Variants in ANK3 observed in about 807,000 individuals in gnomAD.
The protein encoded by ANK3 is ankyrin-3.
In ANK3, 57 loss-of-function variants were observed where a neutral mutation model predicts 370.9. The ratio of observed to expected loss-of-function variants is 0.15; its 90% confidence interval spans 0.12 to 0.19. The LOEUF is 0.19. Among genes scored for constraint, ANK3 ranks in the 10% least tolerant of loss-of-function variants. The pLI is 1.00. For synonymous variants in ANK3, 1,929 were observed against 1,946.3 expected, an observed-to-expected ratio of 0.99 and a Z score of 0.23; for missense variants, 4,439 against 5,302.1, an observed-to-expected ratio of 0.84 and a Z score of 5.06.
chr10:60,240,147 TATATATAC>T (rs552487105), intron 7 of ANK3, among the ~76,000 whole-genome samples: 12 of 133,924 alleles, frequency 9.0e-5, no homozygotes, highest in Non-Finnish European at 1.7e-4. Context: ...TATATACACA[TATATATAC>T]ATATATACAC....
rs1377353560 is a variant in ANK3 at position 60,073,385 on chromosome 10, T to G, written c.7496A>C (p.Asp2499Ala). Residue 2499 changes from aspartate (D) to alanine (A), a missense_variant, in exon 37 of 44, where the codon GAT (aspartate) becomes GCT (alanine). Coordinates refer to ENST00000280772, the MANE Select transcript of ANK3 (RefSeq NM_020987.5). Reference protein sequence around the residue: ...GPPSSELQGSDKRSREKIATA... With the variant: ...GPPSSELQGSAKRSREKIATA... ...GGCTATTTTTTCTCTGGACCGCTTATCAGACCCCTGTAACTCTGAGCTAGG... is the reference window on the plus strand; with the variant it reads ...GGCTATTTTTTCTCTGGACCGCTTAGCAGACCCCTGTAACTCTGAGCTAGG... The G allele has an allele frequency of 6.2e-7, 1 of 1,613,904 alleles. No homozygotes were observed. Among genetic ancestry groups the G allele is most frequent in the South Asian group, 1.1e-5 (1 of 91,078 alleles).
intron 1 of ANK3, among the ~76,000 whole-genome samples, chr10:60,281,355 T>A (rs2098159969): frequency 6.6e-6 from 1 of 152,228 alleles, no homozygotes; most frequent in Non-Finnish European, 1.5e-5. Context: ...CAGGTGCCAG[T>A]GGTATCCCCC....
chr10:60,243,584 CA>C (rs1395416767), intron 7 of ANK3, among the ~76,000 whole-genome samples: 1 of 151,890 alleles, frequency 6.6e-6, no homozygotes, highest in Non-Finnish European at 1.5e-5. Flanking sequence ...GTTATAGCAA[CA>C]AAAAATGGAC....
chr10:60,663,492 C>T (rs919577098), intron 1 of ANK3, among the ~76,000 whole-genome samples: 6 of 135,284 alleles, frequency 4.4e-5, no homozygotes, highest in Non-Finnish European at 8.2e-5. Flanking sequence ...CTTAAGAGCA[C>T]GAAGGGAAAG....
intron 29 of ANK3, 147 bp downstream of exon 29, chr10:60,088,000 T>C (rs1564916296): frequency 1.5e-6 from 1 of 670,692 alleles, no homozygotes; most frequent in Non-Finnish European, 2.6e-6. Flanking sequence ...TTATACTTGA[T>C]GCTTTTTATC....
At chr10:60,463,118 G>C (rs755163779) in intron 2 of ANK3, among the ~76,000 whole-genome samples, 1 of 151,932 alleles carries the variant, frequency 6.6e-6, no homozygotes, top group African/African-American at 2.4e-5. Context: ...TTTTCAAGCT[G>C]GTCTGGAAGT....
In ANK3 at chr10:60,172,357, G is replaced by A. The variant is rs1219017706; in HGVS notation, c.2429C>T (p.Ser810Leu). ...CACTATCTTCAGGGTGTCCACTACTGAGATGTAGCCGAGGCGCCGGGCAAT... is the reference window on the plus strand; with the variant it reads ...CACTATCTTCAGGGTGTCCACTACTAAGATGTAGCCGAGGCGCCGGGCAAT... Reference protein sequence around the residue: ...LGIARRLGYISVVDTLKIVTE... With the variant: ...LGIARRLGYILVVDTLKIVTE... Residue 810 changes from serine to leucine, a missense_variant, in exon 21 of 44, where the codon TCA becomes TTA. Coordinates refer to ENST00000280772, the MANE Select transcript of ANK3 (RefSeq NM_020987.5). The A allele has an allele frequency of 3.7e-6, 6 of 1,613,932 alleles. No individual in the cohort carries two copies. Among genetic ancestry groups the A allele is most frequent in the Non-Finnish European group, 5.1e-6 (6 of 1,179,936 alleles).
chr10:60,719,968 A>G (rs2079841219), intron 1 of ANK3, among the ~76,000 whole-genome samples: 1 of 152,206 alleles, frequency 6.6e-6, no homozygotes, highest in Non-Finnish European at 1.5e-5. Flanking sequence ...TCATTTTAAC[A>G]TCAACTGATT....
At chr10:60,302,654 C>G (rs989597714) in intron 1 of ANK3, among the ~76,000 whole-genome samples, 12 of 152,128 alleles carry the variant, frequency 7.9e-5, no homozygotes, top group African/African-American at 1.2e-4. Context: ...TAAGGCCACA[C>G]GCTGGCAGCA....
chr10:60,415,923 A>ACCCCCCCCCCC (rs60397919), intron 2 of ANK3, among the ~76,000 whole-genome samples: 2 of 62,660 alleles, frequency 3.2e-5, no homozygotes, highest in Non-Finnish European at 6.2e-5. Flanking sequence ...TGTGCCCCCC[A>ACCCCCCCCCCC]CCCCCCCGCC....
At chr10:60,126,821 C>G (rs1280165318) in intron 25 of ANK3, among the ~76,000 whole-genome samples, 1 of 152,114 alleles carries the variant, frequency 6.6e-6, no homozygotes, top group Non-Finnish European at 1.5e-5. Flanking sequence ...AATAGAATCT[C>G]AAGGTTGAAT....
intron 42 of ANK3, among the ~76,000 whole-genome samples, chr10:60,052,131 C>T (rs975116928): frequency 6.6e-6 from 1 of 152,056 alleles, no homozygotes; most frequent in Non-Finnish European, 1.5e-5. Flanking sequence ...GAGGCCAAGG[C>T]GGGTGGATCA....
At chr10:60,325,021 G>A (rs1566590327) in intron 1 of ANK3, among the ~76,000 whole-genome samples, 2 of 152,162 alleles carry the variant, frequency 1.3e-5, no homozygotes, top group Admixed American at 6.5e-5. Flanking sequence ...CTCTTAGCCC[G>A]TCACTACCCA....
chr10:60,410,177 C>T (rs1195289278), intron 2 of ANK3, among the ~76,000 whole-genome samples: 1 of 152,030 alleles, frequency 6.6e-6, no homozygotes, highest in Non-Finnish European at 1.5e-5. Context: ...ACCTGTAATC[C>T]CAGCACTTTG....
At chr10:60,638,666 TAAAG>T (rs919107274) in intron 1 of ANK3, among the ~76,000 whole-genome samples, 2 of 151,832 alleles carry the variant, frequency 1.3e-5, no homozygotes, top group African/African-American at 2.4e-5. Flanking sequence ...ACAACCATAA[TAAAG>T]AGAGAACTAA....
At chr10:60,621,456 A>G (rs2078336005) in intron 1 of ANK3, among the ~76,000 whole-genome samples, 1 of 152,220 alleles carries the variant, frequency 6.6e-6, no homozygotes, top group Non-Finnish European at 1.5e-5. Context: ...ATGAACTGAG[A>G]TGATTCTCAT....
intron 2 of ANK3, among the ~76,000 whole-genome samples, chr10:60,600,268 T>C (rs1382539435): frequency 6.6e-6 from 1 of 152,174 alleles, no homozygotes; most frequent in Non-Finnish European, 1.5e-5. Context: ...TTGTTTAAAA[T>C]CTACTTGTGT....
At chr10:60,243,326 T>C (rs1486881635) in intron 7 of ANK3, among the ~76,000 whole-genome samples, 1 of 152,146 alleles carries the variant, frequency 6.6e-6, no homozygotes, top group Non-Finnish European at 1.5e-5. Flanking sequence ...AATTTGAAGG[T>C]AGGGTCCTTG....
chr10:60,195,273 A>G (rs987725630), intron 16 of ANK3, among the ~76,000 whole-genome samples: 6 of 151,626 alleles, frequency 4.0e-5, no homozygotes, highest in Non-Finnish European at 4.4e-5. Flanking sequence ...AGTCCCAGCT[A>G]CTCGGGAGGC....
Sources: allele counts gnomAD v4.1 joint callset (sites outside exome capture counted in the v4.1 genomes callset), GRCh38; gene constraint gnomAD v4.1.1; transcripts MANE v1.5; gene names NCBI Gene and HGNC (gene_info 2026-07-23, HGNC 2026-07-21).